RANBP3: variants seen among roughly 807,000 people sequenced by gnomAD.
RANBP3 encodes RAN binding protein 3.
RANBP3 carries 14 observed loss-of-function variants against 77.3 expected under a neutral mutation model. The observed-to-expected ratio is 0.18, with a 90% CI of 0.12 to 0.28. RANBP3 has a LOEUF of 0.28. Among genes scored for constraint, RANBP3 ranks in the 10% least tolerant of loss-of-function variants. The pLI is 1.00. For missense variants in RANBP3, 586 were observed against 752.3 expected, an observed-to-expected ratio of 0.78 and a Z score of 2.59; for synonymous variants, 315 against 312.4, an observed-to-expected ratio of 1.01 and a Z score of -0.09.
At chr19:5,936,031 A>C (rs2058060095) in intron 5 of RANBP3, among the ~76,000 whole-genome samples, 1 of 152,180 alleles carries the variant, frequency 6.6e-6, no homozygotes, top group African/African-American at 2.4e-5. Context: ...TCCCTGTCTG[A>C]GGGTGCTTTT....
intron 1 of RANBP3, 142 bp downstream of exon 1, chr19:5,977,919 G>A (rs2058616840): frequency 1.8e-6 from 2 of 1,102,318 alleles, no homozygotes; most frequent in Non-Finnish European, 1.2e-6. Flanking sequence ...ATAGGGGGCG[G>A]CTGCAAGGCC....
rs751520031 is a variant in RANBP3, at chr19:5,978,121, C to T, written c.-39G>A. 5 of 1,594,412 alleles carry T rather than the reference C, an allele frequency of 3.1e-6. No homozygotes were observed. The highest frequency in any genetic ancestry group is 4.3e-6 in the Non-Finnish European group (5 of 1,172,142). Reference sequence around the variant, plus strand: ...GCCCTCCCACAAGGCCCCGCGCCGGCCCAGGCTCGCCTGCTTTCTGCCAGA... The same window carrying T: ...GCCCTCCCACAAGGCCCCGCGCCGGTCCAGGCTCGCCTGCTTTCTGCCAGA... On this transcript the variant is annotated 5_prime_UTR_variant, in exon 1 of 17. Transcript: ENST00000340578.
intron 8 of RANBP3, among the ~76,000 whole-genome samples, chr19:5,929,182 C>CT (rs1283633977): frequency 6.6e-6 from 1 of 152,250 alleles, no homozygotes; most frequent in Admixed American, 6.5e-5. Context: ...TGTTTCTCTA[C>CT]TGTGCTCCCT....
rs1316367889 is a variant in RANBP3, at chr19:5,918,508, G to A, written c.1461C>T (p.Val487=). 2.5e-6 allele frequency: 4 copies of A among 1,611,862 alleles called. No homozygotes were observed. The highest frequency in any genetic ancestry group is 4.5e-5 in the East Asian group (2 of 44,794). ...AMDTEDQGVK[V]FLISASSKDT... ...GTGGCTGGCTCACCGAGATCAGGAA[G>A]ACCTTCACGCCCTGGTCCTCGGTGT... Residue 487 remains valine, a synonymous_variant, in exon 15 of 17, where the codon GTC becomes GTT. Coordinates refer to ENST00000340578, the MANE Select transcript of RANBP3 (RefSeq NM_007322.3).
At chr19:5,931,293 A>G (rs775543354) in intron 8 of RANBP3, 111 bp downstream of exon 8, 3 of 1,316,728 alleles carry the variant, frequency 2.3e-6, no homozygotes, top group Non-Finnish European at 3.0e-6. Flanking sequence ...CCACGTGGAA[A>G]CTGCTTGGAA....
intron 1 of RANBP3, among the ~76,000 whole-genome samples, chr19:5,962,253 G>A (rs2058413038): frequency 6.6e-6 from 1 of 152,224 alleles, no homozygotes; most frequent in Non-Finnish European, 1.5e-5. Flanking sequence ...GCCACAGGAA[G>A]AGTGGAGAAC....
intron 1 of RANBP3, among the ~76,000 whole-genome samples, chr19:5,962,871 G>C (rs576175184): frequency 6.6e-6 from 1 of 152,272 alleles, no homozygotes; most frequent in Admixed American, 6.5e-5. Context: ...ACGGGTTGCT[G>C]TTCGTAGCCA....
Position 5,917,445 on chromosome 19 carries a change from C to T in RANBP3, c.*165G>A. 1.4e-6 allele frequency: 1 copy of T among 693,224 alleles called. No individual in the cohort carries two copies. Among genetic ancestry groups the T allele is most frequent in the Non-Finnish European group, 2.3e-6 (1 of 428,138 alleles). 42.9% of individuals were successfully genotyped at this position (693,224 alleles called of 1,614,324 possible). A position where few individuals can be genotyped will look rare whatever the true frequency, so the allele number is the denominator to read the frequency against. On this transcript the variant is annotated 3_prime_UTR_variant, in exon 17 of 17. Transcript: ENST00000340578. ...GTCCCAAACCACATTCAGGCAGTTC[C>T]CGAGTCTGCTTTTGAACAGGACGTG... is the stretch of plus-strand genomic sequence containing the variant.
intron 5 of RANBP3, among the ~76,000 whole-genome samples, chr19:5,935,135 A>T (rs1375606466): frequency 6.6e-6 from 1 of 152,236 alleles, no homozygotes; most frequent in East Asian, 1.9e-4. Context: ...ACACCTTGTC[A>T]GCCCAAATTT....
In RANBP3 at chr19:5,920,202, G is replaced by C. The variant is rs538152272; in HGVS notation, c.1330+999C>G. On this transcript the variant is annotated intron_variant, in intron 14 of 16. Transcript: ENST00000340578. ...GTTTGATGCCAGGAGCTCAAGACCAGCCTGGGCAACACAGGGAGACCTGTC... is the reference window on the plus strand; with the variant it reads ...GTTTGATGCCAGGAGCTCAAGACCACCCTGGGCAACACAGGGAGACCTGTC... Among the ~76,000 whole-genome samples the C allele has an allele frequency of 6.6e-5, 10 of 152,258 alleles. No homozygotes were observed. In the East Asian group the frequency reaches 1.7e-3, roughly 26 times the overall value.
intron 1 of RANBP3, among the ~76,000 whole-genome samples, chr19:5,974,990 G>T (rs368575307): frequency 6.6e-6 from 1 of 152,234 alleles, no homozygotes; most frequent in East Asian, 1.9e-4. Context: ...TATGATCTCA[G>T]TCTGGAAAGG....
chr19:5,957,147 A>T (rs763963667), intron 2 of RANBP3, among the ~76,000 whole-genome samples: 1 of 152,156 alleles, frequency 6.6e-6, no homozygotes, highest in Non-Finnish European at 1.5e-5. Flanking sequence ...TCCCCATGCA[A>T]GCTGAGGAGT....
chr19:5,964,891 T>G, intron 1 of RANBP3, among the ~76,000 whole-genome samples: 1 of 138,970 alleles, frequency 7.2e-6, no homozygotes, highest in Admixed American at 7.6e-5. Context: ...ACCTCCGCCC[T>G]TCCCTGGGGT....
chr19:5,939,040 C>G (rs1406734362), intron 5 of RANBP3, among the ~76,000 whole-genome samples: 1 of 151,898 alleles, frequency 6.6e-6, no homozygotes, highest in African/African-American at 2.4e-5. Context: ...ACAAAATTAC[C>G]CCGGCATTGT....
Position 5,948,236 on chromosome 19 carries a change from G to A in RANBP3, c.282+3157C>T, listed in dbSNP as rs1215491380. Among the ~76,000 whole-genome samples the A allele has an allele frequency of 2.0e-5, 3 of 152,168 alleles. No individual in the cohort carries two copies. In the East Asian group the frequency reaches 5.8e-4, roughly 29 times the overall value. On this transcript the variant is annotated intron_variant, in intron 3 of 16. Coordinates refer to ENST00000340578, the MANE Select transcript of RANBP3 (RefSeq NM_007322.3). ...GAGGCCGAGGTCGGCGGATCACAAG[G>A]TCAGGAGATTGAGACCATCCTGGCT...
At chr19:5,941,894 A>AGGGCAGG in intron 3 of RANBP3, 59 bp from the exon 4 acceptor site, 1 of 1,594,980 alleles carries the variant, frequency 6.3e-7, no homozygotes, top group Non-Finnish European at 8.6e-7. Context: ...CAGCCGAGCA[A>AGGGCAGG]CTCTCGGGGC....
intron 3 of RANBP3, 68 bp from the exon 4 acceptor site, chr19:5,941,903 G>A (rs1358168198): frequency 6.3e-7 from 1 of 1,578,158 alleles, no homozygotes; most frequent in Non-Finnish European, 8.7e-7. Flanking sequence ...AACTCTCGGG[G>A]CCGTAACAAA....
intron 8 of RANBP3, among the ~76,000 whole-genome samples, chr19:5,929,319 C>G (rs1417219241): frequency 6.6e-6 from 1 of 152,246 alleles, no homozygotes; most frequent in Non-Finnish European, 1.5e-5. Context: ...GGCTAATCCC[C>G]AGCCCCACTG....
intron 1 of RANBP3, among the ~76,000 whole-genome samples, chr19:5,974,084 C>A (rs1034646271): frequency 2.6e-5 from 4 of 152,140 alleles, no homozygotes; most frequent in African/African-American, 9.7e-5. Context: ...GTCATGACGA[C>A]CCCGCGAGTG....
Sources: allele counts gnomAD v4.1 joint callset (sites outside exome capture counted in the v4.1 genomes callset), GRCh38; gene constraint gnomAD v4.1.1; transcripts MANE v1.5; gene names NCBI Gene and HGNC (gene_info 2026-07-23, HGNC 2026-07-21).